PHLDB2: variants seen among roughly 807,000 people sequenced by gnomAD.
PHLDB2 encodes the protein pleckstrin homology like domain family B member 2.
PHLDB2 carries 71 observed loss-of-function variants against 123.6 expected under a neutral mutation model. The observed-to-expected ratio is 0.57, with a 90% CI of 0.47 to 0.70. PHLDB2 has a LOEUF of 0.70. Among genes scored for constraint, PHLDB2 ranks in the 30% least tolerant of loss-of-function variants. PHLDB2 has a pLI of 0.00. For missense variants in PHLDB2, 1,446 were observed against 1,519.5 expected, an observed-to-expected ratio of 0.95 and a Z score of 0.80; for synonymous variants, 547 against 541.6, an observed-to-expected ratio of 1.01 and a Z score of -0.14.
chr3:111,732,817 C>T (rs1941544952), intron 1 of PHLDB2: 14 of 819,394 alleles, frequency 1.7e-5, no homozygotes, highest in Non-Finnish European at 2.1e-5. Context: ...ATGGTAGACC[C>T]GGGTGTGTGT....
At chr3:111,896,512 A>G (rs958925452) in intron 2 of PHLDB2, among the ~76,000 whole-genome samples, 4 of 151,996 alleles carry the variant, frequency 2.6e-5, no homozygotes, top group African/African-American at 9.7e-5. Flanking sequence ...ATACCTGGCT[A>G]ATTTTTGTAT....
chr3:111,763,901 G>A (rs778954927), intron 1 of PHLDB2, among the ~76,000 whole-genome samples: 8 of 152,142 alleles, frequency 5.3e-5, no homozygotes, highest in Non-Finnish European at 1.0e-4. Context: ...AATGAATTCT[G>A]TTTTTTCTAA....
At chr3:111,963,665 TA>T (rs1302127101) in intron 13 of PHLDB2, among the ~76,000 whole-genome samples, 2 of 152,182 alleles carry the variant, frequency 1.3e-5, no homozygotes, top group African/African-American at 4.8e-5. Flanking sequence ...ATCCTACAAA[TA>T]TTTTTTTGTG....
At chr3:111,947,375 G>A (rs565365907) in intron 9 of PHLDB2, among the ~76,000 whole-genome samples, 25 of 152,228 alleles carry the variant, frequency 1.6e-4, no homozygotes, top group Admixed American at 7.2e-4. Flanking sequence ...AGAACACATG[G>A]CAATTCTTGT....
At chr3:111,949,642 CTA>C (rs1313575855) in intron 10 of PHLDB2, 2 of 840,112 alleles carry the variant, frequency 2.4e-6, no homozygotes, top group African/African-American at 3.7e-5. Context: ...AATTTCATTT[CTA>C]TGTCTTATTC....
chr3:111,804,971 G>A (rs2061514274), intron 1 of PHLDB2, among the ~76,000 whole-genome samples: 1 of 151,900 alleles, frequency 6.6e-6, no homozygotes, highest in African/African-American at 2.4e-5. Flanking sequence ...AACAATACTA[G>A]GTGCTGGGGA....
intron 1 of PHLDB2, among the ~76,000 whole-genome samples, chr3:111,811,261 G>A (rs772391367): frequency 2.2e-4 from 33 of 152,110 alleles, no homozygotes; most frequent in Non-Finnish European, 4.4e-4. Context: ...AACCTTTCAG[G>A]ACTTGGTGTT....
intron 1 of PHLDB2, among the ~76,000 whole-genome samples, chr3:111,863,233 TG>T (rs2064921437): frequency 1.3e-5 from 2 of 152,200 alleles, no homozygotes; most frequent in South Asian, 4.1e-4. Context: ...AGGCAACAGA[TG>T]GTTCCACAGA....
At chr3:111,867,224 T>C (rs1559875668) in intron 1 of PHLDB2, among the ~76,000 whole-genome samples, 1 of 151,992 alleles carries the variant, frequency 6.6e-6, no homozygotes, top group Non-Finnish European at 1.5e-5. Context: ...AGAGTTAGTA[T>C]TTTATACTTA....
intron 1 of PHLDB2, among the ~76,000 whole-genome samples, chr3:111,784,173 G>T (rs989688836): frequency 3.3e-5 from 5 of 152,092 alleles, no homozygotes; most frequent in African/African-American, 9.7e-5. Context: ...TCAGAGCCGA[G>T]AATTCCACAA....
At chr3:111,756,849 G>C (rs937570276) in intron 1 of PHLDB2, among the ~76,000 whole-genome samples, 1 of 152,044 alleles carries the variant, frequency 6.6e-6, no homozygotes, top group Non-Finnish European at 1.5e-5. Flanking sequence ...GCCTGGTGGT[G>C]ACAAAATCTC....
At chr3:111,811,864 A>G (rs2061854354) in intron 1 of PHLDB2, among the ~76,000 whole-genome samples, 1 of 151,968 alleles carries the variant, frequency 6.6e-6, no homozygotes, top group African/African-American at 2.4e-5. Context: ...GGAGAGAGAA[A>G]GAGATGAAAT....
At chr3:111,932,511 A>G in intron 6 of PHLDB2, 114 bp downstream of exon 6, 1 of 1,100,576 alleles carries the variant, frequency 9.1e-7, no homozygotes, top group Non-Finnish European at 1.3e-6. Context: ...CATAAGTTCT[A>G]GTCATTAGAT....
intron 1 of PHLDB2, among the ~76,000 whole-genome samples, chr3:111,865,249 C>T (rs2065012194): frequency 1.3e-5 from 2 of 152,158 alleles, no homozygotes; most frequent in South Asian, 2.1e-4. Flanking sequence ...GGAATGCAGA[C>T]AAAACCTTTC....
intron 2 of PHLDB2, 160 bp downstream of exon 2, chr3:111,885,572 C>A: frequency 1.1e-6 from 1 of 947,848 alleles, no homozygotes; most frequent in Non-Finnish European, 1.7e-6. Flanking sequence ...CCTTCTTCTT[C>A]CCATATCACT....
rs2069191157 is a variant in PHLDB2 at position 111,932,264 on chromosome 3, T to G, written c.2002-5T>G. 1.3e-6 allele frequency: 2 copies of G among 1,550,470 alleles called. No individual in the cohort carries two copies. The highest frequency in any genetic ancestry group is 1.2e-5 in the South Asian group (1 of 83,944). On this transcript the variant is annotated splice_region_variant and splice_polypyrimidine_tract_variant and intron_variant, in intron 5 of 17. Transcript: ENST00000431670. ...CTATTCTATTTTCTGGTTTCTGAAC[T>G]TCAGGAGAAGGTAAAGCTTGATGCT...
At chr3:111,802,850 G>GT in intron 1 of PHLDB2, among the ~76,000 whole-genome samples, 1 of 152,244 alleles carries the variant, frequency 6.6e-6, no homozygotes, top group Non-Finnish European at 1.5e-5. Context: ...GTGAACACAT[G>GT]TTTTTTGTCC....
chr3:111,914,549 C>T (rs2068062315), intron 3 of PHLDB2: 1 of 152,108 alleles, frequency 6.6e-6, no homozygotes, highest in South Asian at 2.1e-4. Context: ...AATTATACAT[C>T]AAGTTGGGGA....
chr3:111,796,386 G>GCAA (rs1359298947), intron 1 of PHLDB2, among the ~76,000 whole-genome samples: 1 of 152,146 alleles, frequency 6.6e-6, no homozygotes, highest in African/African-American at 2.4e-5. Context: ...CAGCTCCTTT[G>GCAA]CTGTTACCTA....
Sources: gnomAD v4.1 joint callset for allele counts (sites outside exome capture counted in the v4.1 genomes callset) on GRCh38, gnomAD v4.1.1 for gene constraint, MANE v1.5 for transcripts, NCBI Gene and HGNC (gene_info 2026-07-23, HGNC 2026-07-21) for gene names.